Variants in H2AC25 observed in about 807,000 individuals in gnomAD.
H2AC25 encodes the protein histone H2A type 3.
the H2AC25 span, chr1:228,457,635 G>A: frequency 4.3e-6 from 7 of 1,613,884 alleles, no homozygotes; most frequent in Non-Finnish European, 5.1e-6. Context: ...CCAGGATCTC[G>A]GCAGTCAAGT....
At chr1:228,457,578 G>A in the H2AC25 span, 1 of 1,613,952 alleles carries the variant, frequency 6.2e-7, no homozygotes, top group African/African-American at 1.3e-5. Context: ...GGTGGCGCGG[G>A]ATGATGCGCG....
At chr1:228,457,873 G>A in the H2AC25 span, 434 of 1,554,042 alleles carry the variant, frequency 2.8e-4, no homozygotes, top group Middle Eastern at 5.2e-4. Context: ...AAAAACAAGA[G>A]GGCAGTGAAG....
the H2AC25 span, chr1:228,457,598 T>G: frequency 6.2e-7 from 1 of 1,614,010 alleles, no homozygotes. Flanking sequence ...GTCTTCTTGT[T>G]GTCGCGCGCC....
chr1:228,457,757 G>A, the H2AC25 span: 1 of 1,611,204 alleles, frequency 6.2e-7, no homozygotes, highest in Non-Finnish European at 8.5e-7. Flanking sequence ...AGCCCCGCGC[G>A]CGACGAGCGC....
At chr1:228,457,657 G>C in the H2AC25 span, 2 of 1,613,836 alleles carry the variant, frequency 1.2e-6, no homozygotes, top group South Asian at 2.2e-5. Context: ...CTCGAGCACC[G>C]CGGCCAGATA....
chr1:228,457,628 G>C, the H2AC25 span: 1 of 1,613,974 alleles, frequency 6.2e-7, no homozygotes, highest in Non-Finnish European at 8.5e-7. Context: ...GCAAGCTCCA[G>C]GATCTCGGCA....
the H2AC25 span, chr1:228,457,649 C>G: frequency 6.2e-7 from 1 of 1,613,862 alleles, no homozygotes; most frequent in Non-Finnish European, 8.5e-7. Context: ...GTCAAGTACT[C>G]GAGCACCGCG....
the H2AC25 span, chr1:228,457,608 C>G: frequency 1.9e-6 from 3 of 1,613,886 alleles, no homozygotes; most frequent in Non-Finnish European, 2.5e-6. Context: ...TGTCGCGCGC[C>G]GCGTTGCCGG....
At chr1:228,457,520 G>C in the H2AC25 span, 2 of 1,614,086 alleles carry the variant, frequency 1.2e-6, no homozygotes, top group Non-Finnish European at 1.7e-6. Flanking sequence ...ATGGTCACGC[G>C]GCCCAGCAGC....
the H2AC25 span, chr1:228,457,737 G>A: frequency 1.1e-5 from 17 of 1,612,562 alleles, no homozygotes; most frequent in African/African-American, 2.7e-5. Flanking sequence ...CGCGGCCCAC[G>A]GGGAACTGCA....
the H2AC25 span, chr1:228,457,783 C>T: frequency 1.2e-6 from 2 of 1,608,106 alleles, no homozygotes; most frequent in Non-Finnish European, 8.5e-7. Flanking sequence ...AGCCTTGGCG[C>T]GCGCCTTGCC....
At chr1:228,457,506 C>A in the H2AC25 span, 41 of 1,614,132 alleles carry the variant, frequency 2.5e-5, no homozygotes, top group African/African-American at 1.6e-4. Context: ...CGCCACCCTG[C>A]GCGATGGTCA....
chr1:228,457,574 G>A, the H2AC25 span: 2 of 1,613,976 alleles, frequency 1.2e-6, no homozygotes, highest in African/African-American at 2.7e-5. Flanking sequence ...TGCAGGTGGC[G>A]CGGGATGATG....
At chr1:228,457,591 T>C in the H2AC25 span, 1 of 1,613,932 alleles carries the variant, frequency 6.2e-7, no homozygotes, top group African/African-American at 1.3e-5. Context: ...GATGCGCGTC[T>C]TCTTGTTGTC....
At chr1:228,457,706 C>A in the H2AC25 span, 1 of 1,613,276 alleles carries the variant, frequency 6.2e-7, no homozygotes, top group Non-Finnish European at 8.5e-7. Context: ...GAATAGTTGC[C>A]CTTGCGGAGC....
chr1:228,457,864 A>G, the H2AC25 span: 3 of 1,566,748 alleles, frequency 1.9e-6, no homozygotes, highest in African/African-American at 4.1e-5. Context: ...AGCGAGACTA[A>G]AAACAAGAGG....
At chr1:228,457,608 C>T in the H2AC25 span, 15 of 1,614,004 alleles carry the variant, frequency 9.3e-6, no homozygotes, top group Middle Eastern at 4.9e-4. Flanking sequence ...TGTCGCGCGC[C>T]GCGTTGCCGG....
At chr1:228,457,680 G>C in the H2AC25 span, 3 of 1,613,578 alleles carry the variant, frequency 1.9e-6, no homozygotes, top group Admixed American at 5.0e-5. Flanking sequence ...CCGGGGCGCC[G>C]GCGCCCACGC....
the H2AC25 span, chr1:228,457,856 C>T: frequency 4.5e-6 from 7 of 1,570,856 alleles, no homozygotes; most frequent in Non-Finnish European, 5.2e-6. Context: ...AACCGAAAAG[C>T]GAGACTAAAA....
Sources: gnomAD v4.1 joint callset for allele counts on GRCh38, gnomAD v4.1.1 for gene constraint, MANE v1.5 for transcripts, NCBI Gene and HGNC (gene_info 2026-07-23, HGNC 2026-07-21) for gene names.